Variants in SELENOF observed in about 807,000 individuals in gnomAD.
The protein encoded by SELENOF is 15 kDa selenoprotein.
SELENOF carries 16 observed loss-of-function variants against 20.5 expected under a neutral mutation model. The ratio of observed to expected loss-of-function variants is 0.78; its 90% CI spans 0.53 to 1.19. The LOEUF (loss-of-function observed/expected upper bound fraction) is 1.19. Ranked by LOEUF, SELENOF falls within the 50% of genes most tolerant of loss-of-function variation. The pLI, the probability that SELENOF is intolerant of heterozygous loss-of-function variation, is 0.00. For missense variants in SELENOF, 215 were observed against 194.2 expected, an observed-to-expected ratio of 1.11 and a Z score of -0.64; for synonymous variants, 78 against 74.5, an observed-to-expected ratio of 1.05 and a Z score of -0.24.
At chr1:86,898,776 GT>G (rs201495558) in intron 2 of SELENOF, among the ~76,000 whole-genome samples, 9 of 145,684 alleles carry the variant, frequency 6.2e-5, no homozygotes, top group Non-Finnish European at 1.4e-4. Context: ...TTGTTTGTTT[GT>G]TTTTTTTAAT....
rs1658506027 is a variant in SELENOF, at chr1:86,863,267, T to A, written c.*207A>T. ...AGTGGTATCAACAAATGCAGGAGGA[T>A]GGACATTTATAAAAAATGGGTTTTG... On this transcript the variant is annotated 3_prime_UTR_variant, in exon 5 of 5. Coordinates refer to ENST00000331835, the MANE Select transcript of SELENOF (RefSeq NM_004261.5). 2.4e-6 allele frequency: 1 copy of A among 423,420 alleles called. No individual in the cohort carries two copies. Among genetic ancestry groups the A allele is most frequent in the South Asian group, 5.4e-5 (1 of 18,638 alleles). The allele number at this position is 423,420 out of a possible 1,614,324, so 26.2% of individuals were successfully genotyped here. A position where few individuals can be genotyped will look rare whatever the true frequency, so the allele number is the denominator to read the frequency against.
At chr1:86,873,235 C>T (rs1658831339) in intron 3 of SELENOF, among the ~76,000 whole-genome samples, 1 of 152,134 alleles carries the variant, frequency 6.6e-6, no homozygotes, top group Non-Finnish European at 1.5e-5. Flanking sequence ...CCAGCCTGGA[C>T]AACACAGCGA....
chr1:86,887,223 C>T (rs1180633385), intron 2 of SELENOF: 7 of 1,527,698 alleles, frequency 4.6e-6, no homozygotes, highest in Non-Finnish European at 5.3e-6. Flanking sequence ...AAAAAATCAG[C>T]GTTATAATTT....
chr1:86,871,500 C>A (rs1486422162), intron 3 of SELENOF, among the ~76,000 whole-genome samples: 2 of 152,078 alleles, frequency 1.3e-5, no homozygotes, highest in East Asian at 3.8e-4. Flanking sequence ...GTCAAAATAG[C>A]CCCAAAGTCA....
chr1:86,913,857 G>C, intron 1 of SELENOF, 171 bp downstream of exon 1: 1 of 625,710 alleles, frequency 1.6e-6, no homozygotes, highest in South Asian at 1.9e-5. Flanking sequence ...CCAAGGCGGG[G>C]AAGGAGAAGG....
chr1:86,866,195 CAAAAAAAAAA>C (rs762072945), intron 4 of SELENOF, among the ~76,000 whole-genome samples: 4 of 27,648 alleles, frequency 1.4e-4, no homozygotes, highest in South Asian at 1.2e-3. Flanking sequence ...AGACCATGTC[CAAAAAAAAAA>C]AAAAAAAAAA....
intron 2 of SELENOF, among the ~76,000 whole-genome samples, chr1:86,885,403 A>T (rs939013323): frequency 2.0e-5 from 3 of 152,160 alleles, no homozygotes; most frequent in Non-Finnish European, 4.4e-5. Context: ...AGATAGCTAG[A>T]TTCCAAAATA....
intron 2 of SELENOF, among the ~76,000 whole-genome samples, chr1:86,901,407 G>C (rs1659702810): frequency 6.6e-6 from 1 of 150,412 alleles, no homozygotes; most frequent in African/African-American, 2.5e-5. Flanking sequence ...GCTATGTTTT[G>C]GTTTCACTAG....
At chr1:86,907,965 GGTAA>G (rs1013411738) in intron 1 of SELENOF, among the ~76,000 whole-genome samples, 7 of 151,032 alleles carry the variant, frequency 4.6e-5, no homozygotes, top group Non-Finnish European at 7.4e-5. Context: ...CAGCCTGGGC[GGTAA>G]GTGTGAATCG....
chr1:86,868,558 G>C (rs1214424813), intron 3 of SELENOF, among the ~76,000 whole-genome samples: 1 of 152,150 alleles, frequency 6.6e-6, no homozygotes, highest in East Asian at 1.9e-4. Context: ...ATCAGAGAGA[G>C]GGAGAGGGGA....
At chr1:86,901,510 G>A (rs910565201) in intron 2 of SELENOF, among the ~76,000 whole-genome samples, 1 of 151,944 alleles carries the variant, frequency 6.6e-6, no homozygotes, top group Non-Finnish European at 1.5e-5. Context: ...TAGGGGCTAG[G>A]AGCAAAGTTA....
At position 86,908,800 on chromosome 1, in the gene SELENOF, A is replaced by C. The variant is rs544271465; in HGVS notation, c.84+5228T>G. On this transcript the variant is annotated intron_variant, in intron 1 of 4. Transcript: ENST00000331835. ...TGATCTGAATGAAGGATTGAATATCATCACTTAGTTCTGGGGAGCGTTAAT... is the reference window on the plus strand; with the variant it reads ...TGATCTGAATGAAGGATTGAATATCCTCACTTAGTTCTGGGGAGCGTTAAT... Among the ~76,000 whole-genome samples, 3 of 152,334 alleles carry C rather than the reference A, an allele frequency of 2.0e-5. No individual in the cohort carries two copies. In the East Asian group the frequency reaches 5.8e-4, roughly 29 times the overall value.
At chr1:86,903,056 C>A (rs1005450161) in intron 2 of SELENOF, among the ~76,000 whole-genome samples, 1 of 152,158 alleles carries the variant, frequency 6.6e-6, no homozygotes, top group Non-Finnish European at 1.5e-5. Context: ...TTCTACTTCC[C>A]CTTTGCTTGA....
chr1:86,880,975 C>G (rs1019487785), intron 2 of SELENOF, among the ~76,000 whole-genome samples: 4 of 151,990 alleles, frequency 2.6e-5, no homozygotes, highest in Admixed American at 2.0e-4. Context: ...GCCAAAAAGA[C>G]CGAAGGAGAT....
chr1:86,886,311 ATAT>A (rs1333629017), intron 2 of SELENOF, among the ~76,000 whole-genome samples: 1 of 152,168 alleles, frequency 6.6e-6, no homozygotes, highest in Non-Finnish European at 1.5e-5. Flanking sequence ...ATACTATGTT[ATAT>A]TAATAGGGCA....
chr1:86,882,957 C>T (rs1296047790), intron 2 of SELENOF, among the ~76,000 whole-genome samples: 1 of 152,014 alleles, frequency 6.6e-6, no homozygotes, highest in Non-Finnish European at 1.5e-5. Flanking sequence ...GAAACCCTGT[C>T]TCTACTAAAA....
chr1:86,892,947 TAAAG>T (rs1400491269), intron 2 of SELENOF, among the ~76,000 whole-genome samples: 2 of 152,170 alleles, frequency 1.3e-5, no homozygotes, highest in African/African-American at 2.4e-5. Flanking sequence ...TTCAACTTCT[TAAAG>T]TAACTCCGAA....
rs140804982 is a variant in SELENOF, at chr1:86,901,094, C to T, written c.252+2187G>A. ...TTTTTGTAGAGACGGGGTTTCACCA[C>T]GTTGCCCAGACTTAAATATTTTTAA... On this transcript the variant is annotated intron_variant, in intron 2 of 4. Transcript: ENST00000331835. 6.2e-3 allele frequency among the ~76,000 whole-genome samples: 940 copies of T among 152,174 alleles called. 11 individuals are homozygous for T. The highest frequency in any genetic ancestry group is 0.022 in the African/African-American group (906 of 41,520).
At chr1:86,865,212 C>A (rs1278729959) in intron 4 of SELENOF, among the ~76,000 whole-genome samples, 4 of 151,216 alleles carry the variant, frequency 2.6e-5, no homozygotes, top group Non-Finnish European at 5.9e-5. Flanking sequence ...GCTCAGCTTA[C>A]CAAACAAACA....
Sources: gnomAD v4.1 joint callset for allele counts (sites outside exome capture counted in the v4.1 genomes callset) on GRCh38, gnomAD v4.1.1 for gene constraint, MANE v1.5 for transcripts, NCBI Gene and HGNC (gene_info 2026-07-23, HGNC 2026-07-21) for gene names.